SERINC2: variants seen among roughly 807,000 people sequenced by gnomAD.
SERINC2 encodes serine incorporator 2, also known as tumor differentially expressed protein 2.
SERINC2 carries 56 observed loss-of-function variants against 54.2 expected under a neutral mutation model. That is an observed-to-expected ratio of 1.03 (90% CI 0.83 to 1.29). The LOEUF (loss-of-function observed/expected upper bound fraction) is 1.29. Among genes scored for constraint, SERINC2 ranks in the 50% most tolerant of loss-of-function variants. The pLI is 0.00. For synonymous variants in SERINC2, 272 were observed against 253.1 expected (o/e 1.07, Z -0.71); for missense variants, 614 against 607.4 (o/e 1.01, Z -0.12).
chr1:31,433,196 G>A lies in SERINC2; in HGVS notation c.1232+11G>A, dbSNP rs149780780. On this transcript the variant is annotated intron_variant, in intron 9 of 9. Coordinates refer to ENST00000373709, the MANE Select transcript of SERINC2 (RefSeq NM_178865.5). ...CACCAACTGGTACAAGTGCGTAGCT[G>A]GTGGGGCATGGACAGAGCCCGGAGG... The A allele has an allele frequency of 3.1e-4, 492 of 1,610,648 alleles. 3 individuals are homozygous for A. The East Asian group carries it at 5.9e-3, about 19-fold the overall frequency.
Position 31,434,189 on chromosome 1 carries a change from A to G in SERINC2, c.1358A>G (p.Asp453Gly), listed in dbSNP as rs1553135344. The change falls in exon 10 of 10, where the codon GAC (aspartate) becomes GGC (glycine). Residue 453 changes from aspartate to glycine, a missense_variant. Physicochemically the swap from Asp to Gly is moderately conservative, Grantham distance 94 (BLOSUM62 -1). Transcript: ENST00000373709. ...LVAPLLLRNR[D>G]FS ...GCCCCACTCCTCCTGCGCAACCGCGACTTCAGCTGAGGCAGCCTCACAGCC... is the reference window on the plus strand; with the variant it reads ...GCCCCACTCCTCCTGCGCAACCGCGGCTTCAGCTGAGGCAGCCTCACAGCC... The G allele has an allele frequency of 6.2e-7, 1 of 1,612,900 alleles. No homozygotes were observed. The highest frequency in any genetic ancestry group is 8.5e-7 in the Non-Finnish European group (1 of 1,179,778).
chr1:31,426,658 C>A lies in SERINC2; in HGVS notation c.615C>A (p.Leu205=), dbSNP rs782506448. 5.0e-6 allele frequency: 8 copies of A among 1,606,882 alleles called. No homozygotes were observed. Among genetic ancestry groups the A allele is most frequent in the Non-Finnish European group, 6.8e-6 (8 of 1,174,310 alleles). The change falls in exon 6 of 10, where the codon CTC becomes CTA. Residue 205 remains leucine (L), a synonymous_variant. Transcript: ENST00000373709. ...CTCACTACCCCTCTGGCCCAGGCCT[C>A]TTCTTCTTCACTCTCCTCTTCTACT... ...ECDSRAWYAG[L]FFFTLLFYLL... is the part of the protein sequence containing the mutation.
upstream of SERINC2, chr1:31,413,011 G>GC (rs1557486132): frequency 8.7e-6 from 3 of 344,640 alleles, no homozygotes; most frequent in African/African-American, 6.6e-5. The surrounding 1 kb of genome is among the most constrained non-coding windows in gnomAD (Gnocchi z 5.0). Flanking sequence ...CCCGGGCCAC[G>GC]ATTGGGTCAG....
intron 8 of SERINC2, among the ~76,000 whole-genome samples, chr1:31,431,832 T>TAGGGTGGAG (rs1641231370): frequency 3.6e-5 from 1 of 28,046 alleles, no homozygotes; most frequent in Non-Finnish European, 1.2e-4. Context: ...ATAGGGTGGA[T>TAGGGTGGAG]AGGGTGGATA....
chr1:31,429,096 C>T (rs559941846), intron 7 of SERINC2, 28 bp downstream of exon 7: 25 of 1,585,280 alleles, frequency 1.6e-5, no homozygotes, highest in East Asian at 2.2e-5. Flanking sequence ...CTCAAGGAGG[C>T]CTGGCCTCGT....
At chr1:31,433,897 T>C (rs1641392899) in intron 9 of SERINC2, among the ~76,000 whole-genome samples, 167 bp from the exon 10 acceptor site, 1 of 152,254 alleles carries the variant, frequency 6.6e-6, no homozygotes, top group Non-Finnish European at 1.5e-5. Flanking sequence ...TCAGGAGCTA[T>C]GTCCACGGTC....
intron 1 of SERINC2, among the ~76,000 whole-genome samples, 199 bp from the exon 2 acceptor site, chr1:31,423,494 T>G (rs185688193): frequency 4.2e-4 from 64 of 152,340 alleles, no homozygotes; most frequent in African/African-American, 1.5e-3. Flanking sequence ...GGTTTGAATC[T>G]GGGTTCTGTG....
chr1:31,413,305 G>A lies in SERINC2; in HGVS notation c.39+1G>A. The A allele has an allele frequency of 7.8e-7, 1 of 1,275,030 alleles. No individual in the cohort carries two copies. The highest frequency in any genetic ancestry group is 9.9e-7 in the Non-Finnish European group (1 of 1,012,742). 79.0% of individuals were successfully genotyped at this position (1,275,030 alleles called of 1,614,324 possible). ...GGGAGCCTGCTCCCTGCTCAGCTGC[G>A]TGAGTCCCGACCCCGGCGCCCGCCC... On this transcript the variant is annotated splice_donor_variant, in intron 1 of 9. Coordinates refer to ENST00000373709, the MANE Select transcript of SERINC2 (RefSeq NM_178865.5). LOFTEE classifies it high-confidence loss of function. This position sits in a 1 kb window ranked among gnomAD's most constrained non-coding sequence, Gnocchi z 5.0.
intron 8 of SERINC2, among the ~76,000 whole-genome samples, chr1:31,432,020 A>ATAGGATGGT (rs1641260449): frequency 8.0e-5 from 9 of 112,486 alleles, no homozygotes; most frequent in Admixed American, 1.7e-4. Flanking sequence ...GATAGGGTGG[A>ATAGGATGGT]CAGGGTGGAC....
chr1:31,433,225 A>G (rs371245454), intron 9 of SERINC2, 40 bp downstream of exon 9: 1 of 1,544,278 alleles, frequency 6.5e-7, no homozygotes, highest in South Asian at 1.1e-5. Flanking sequence ...CCGGAGGTGC[A>G]GGGTGCAGGT....
At chr1:31,414,840 C>T (rs1640746482) in intron 1 of SERINC2, 6 of 928,812 alleles carry the variant, frequency 6.5e-6, no homozygotes, top group Admixed American at 6.2e-5. Flanking sequence ...GCCTGCCAGC[C>T]CTGTGTGCCT....
rs1553135076 is a variant in SERINC2, at chr1:31,433,123, C to A, written c.1170C>A (p.Phe390Leu). ...ACGGCGTCACCTACAGCTACTCCTT[C>A]TTCCACTTCTGCCTGGTGCTGGCCT... ...EQDGVTYSYS[F>L]FHFCLVLASL... Residue 390 changes from phenylalanine (F) to leucine (L), a missense_variant, in exon 9 of 10, where the codon TTC becomes TTA. Coordinates refer to ENST00000373709, the MANE Select transcript of SERINC2 (RefSeq NM_178865.5). 6.2e-7 allele frequency: 1 copy of A among 1,613,804 alleles called. No individual in the cohort carries two copies. Among genetic ancestry groups the A allele is most frequent in the Non-Finnish European group, 8.5e-7 (1 of 1,180,028 alleles).
chr1:31,421,261 C>T (rs1474553176), intron 1 of SERINC2, among the ~76,000 whole-genome samples: 3 of 152,198 alleles, frequency 2.0e-5, no homozygotes, highest in Non-Finnish European at 4.4e-5. Context: ...ATATCTGCCC[C>T]CTGCCAGCAC....
chr1:31,411,141 C>T (rs530100098), upstream of SERINC2, among the ~76,000 whole-genome samples: 24 of 152,060 alleles, frequency 1.6e-4, no homozygotes, highest in Admixed American at 2.6e-4. Context: ...GAGAGCAGAC[C>T]GTTCTTGGGT....
chr1:31,416,890 T>A (rs1640793802), intron 1 of SERINC2, among the ~76,000 whole-genome samples: 2 of 152,088 alleles, frequency 1.3e-5, no homozygotes, highest in Non-Finnish European at 2.9e-5. Flanking sequence ...TGGCTAATTT[T>A]TGTGTTTTTA....
intron 1 of SERINC2, chr1:31,414,868 A>G (rs1640747018): frequency 4.5e-6 from 3 of 670,828 alleles, no homozygotes; most frequent in Non-Finnish European, 5.5e-6. Flanking sequence ...CCCATCTGGC[A>G]GTTGACAGTA....
intron 5 of SERINC2, 171 bp downstream of exon 5, chr1:31,426,084 C>G: frequency 2.9e-6 from 2 of 684,634 alleles, no homozygotes; most frequent in Non-Finnish European, 4.7e-6. Flanking sequence ...ACCAGCTGAT[C>G]CTGGGATGAC....
chr1:31,413,686 T>A lies in SERINC2; in HGVS notation c.39+382T>A. 1 of 1,082,096 alleles carries A rather than the reference T, an allele frequency of 9.2e-7. No individual in the cohort carries two copies. Among genetic ancestry groups the A allele is most frequent in the South Asian group, 2.8e-5 (1 of 35,454 alleles). 67.0% of individuals were successfully genotyped at this position (1,082,096 alleles called of 1,614,324 possible). Reference sequence around the variant, plus strand: ...GTCCTCGGGGTGGCCTCTGTCCCCGTCCCGGACGCCCTGGTTCTCTGTGTA... The same window carrying A: ...GTCCTCGGGGTGGCCTCTGTCCCCGACCCGGACGCCCTGGTTCTCTGTGTA... On this transcript the variant is annotated intron_variant, in intron 1 of 9. Transcript: ENST00000373709. This position sits in a 1 kb window ranked among gnomAD's most constrained non-coding sequence, Gnocchi z 5.0.
In SERINC2 at chr1:31,432,355, AAACTAT is replaced by A. The variant is rs1553134824; in HGVS notation, c.1014-611_1014-606del. Among the ~76,000 whole-genome samples the A allele has an allele frequency of 6.5e-3, 996 of 152,188 alleles. 11 individuals are homozygous for A. The highest frequency in any genetic ancestry group is 0.022 in the African/African-American group (920 of 41,464). On this transcript the variant is annotated intron_variant, in intron 8 of 9. Coordinates refer to ENST00000373709, the MANE Select transcript of SERINC2 (RefSeq NM_178865.5). ...GGTTTTTCAAAAATTTTTATGTCTC[AAACTAT>A]CAAATTCTGTTAAAAACATCAAGGC... is the stretch of plus-strand genomic sequence containing the variant.
Sources: gnomAD v4.1 joint callset for allele counts (sites outside exome capture counted in the v4.1 genomes callset) on GRCh38, gnomAD v4.1.1 for gene constraint, Gnocchi (gnomAD v3.1) non-coding constraint, MANE v1.5 for transcripts, NCBI Gene and HGNC (gene_info 2026-07-23, HGNC 2026-07-21) for gene names.